The following PRKCA variants were observed in gnomAD, a reference collection of about 807,000 sequenced individuals.
The protein encoded by PRKCA is protein kinase C alpha type.
A neutral mutation model predicts 87.0 loss-of-function variants in PRKCA; 27 were observed. The observed-to-expected ratio is 0.31, with a 90% CI of 0.23 to 0.43. PRKCA has a LOEUF of 0.43. PRKCA is among the 20% of genes least tolerant of loss of function. The pLI is 1.00. For synonymous variants in PRKCA, 329 were observed against 311.1 expected, an observed-to-expected ratio of 1.06 and a Z score of -0.61; for missense variants, 518 against 852.3, an observed-to-expected ratio of 0.61 and a Z score of 4.88.
rs558937482 is a variant in PRKCA at position 66,358,015 on chromosome 17, A to G, written c.205+51888A>G. Among the ~76,000 whole-genome samples, 12 of 152,344 alleles carry G rather than the reference A, an allele frequency of 7.9e-5. No homozygotes were observed. In the Middle Eastern group the frequency reaches 0.01, roughly 130 times the overall value. ...TTATATTAATTAGAATTATATGATGATTATAATAGAATTGCCTTTTGTTCT... is the reference window on the plus strand; with the variant it reads ...TTATATTAATTAGAATTATATGATGGTTATAATAGAATTGCCTTTTGTTCT... On this transcript the variant is annotated intron_variant, in intron 2 of 16. Transcript: ENST00000413366.
intron 2 of PRKCA, among the ~76,000 whole-genome samples, chr17:66,368,773 C>G (rs1188634676): frequency 6.6e-6 from 1 of 152,082 alleles, no homozygotes; most frequent in African/African-American, 2.4e-5. Context: ...GATGTGGACA[C>G]AATTTCACAA....
intron 4 of PRKCA, among the ~76,000 whole-genome samples, chr17:66,642,848 G>A (rs1443011197): frequency 6.6e-6 from 1 of 152,080 alleles, no homozygotes; most frequent in East Asian, 1.9e-4. Flanking sequence ...TTCAAGACCA[G>A]CCTGACCAAC....
At chr17:66,764,664 C>G (rs1228921813) in intron 13 of PRKCA, among the ~76,000 whole-genome samples, 1 of 152,236 alleles carries the variant, frequency 6.6e-6, no homozygotes, top group Non-Finnish European at 1.5e-5. Flanking sequence ...GTCTTTGAAG[C>G]CACAGCTCAA....
At chr17:66,708,115 CATG>C (rs1377644265) in intron 8 of PRKCA, among the ~76,000 whole-genome samples, 1 of 152,178 alleles carries the variant, frequency 6.6e-6, no homozygotes, top group African/African-American at 2.4e-5. Context: ...ATGATGTACA[CATG>C]ATGGTGGCAC....
intron 8 of PRKCA, among the ~76,000 whole-genome samples, chr17:66,695,210 A>G (rs921077902): frequency 6.6e-6 from 1 of 152,208 alleles, no homozygotes; most frequent in African/African-American, 2.4e-5. Context: ...CAACCTCAAG[A>G]GAAATCAAGC....
At chr17:66,551,150 T>A (rs1968313768) in intron 3 of PRKCA, among the ~76,000 whole-genome samples, 1 of 152,150 alleles carries the variant, frequency 6.6e-6, no homozygotes, top group African/African-American at 2.4e-5. Context: ...GTAGCCTTGA[T>A]CTCCTGGCCT....
rs141664498 is a variant in PRKCA, at chr17:66,458,678, A to G, written c.206-37523A>G. On this transcript the variant is annotated intron_variant, in intron 2 of 16. Coordinates refer to ENST00000413366, the MANE Select transcript of PRKCA (RefSeq NM_002737.3). ...GTATTTTTAGTAGAGGTGGGGTTTC[A>G]CCATGTTGGCCAGGTTGGTCTCAAA... Among the ~76,000 whole-genome samples, 660 of 151,982 alleles carry G rather than the reference A, an allele frequency of 4.3e-3. 9 individuals are homozygous for G. The highest frequency in any genetic ancestry group is 0.015 in the African/African-American group (637 of 41,476).
intron 2 of PRKCA, among the ~76,000 whole-genome samples, chr17:66,418,253 A>G (rs982401283): frequency 1.3e-5 from 2 of 152,206 alleles, no homozygotes; most frequent in African/African-American, 4.8e-5. Flanking sequence ...TGTGTATAGT[A>G]AATGTATATA....
intron 3 of PRKCA, among the ~76,000 whole-genome samples, chr17:66,568,335 T>A (rs1263739469): frequency 6.6e-6 from 1 of 152,160 alleles, no homozygotes; most frequent in African/African-American, 2.4e-5. Context: ...AAAAAATAGA[T>A]GTGCAGAGTC....
At chr17:66,438,814 T>C (rs1913554743) in intron 2 of PRKCA, among the ~76,000 whole-genome samples, 1 of 152,122 alleles carries the variant, frequency 6.6e-6, no homozygotes, top group Admixed American at 6.5e-5. Flanking sequence ...CCATCAGCTC[T>C]TGTGAGAAAC....
intron 3 of PRKCA, among the ~76,000 whole-genome samples, chr17:66,578,743 C>T (rs898428489): frequency 1.3e-5 from 2 of 152,200 alleles, no homozygotes; most frequent in Admixed American, 1.3e-4. Flanking sequence ...CCTGTGGTTC[C>T]TGTCCTCTTC....
At chr17:66,422,636 A>C (rs1429301485) in intron 2 of PRKCA, among the ~76,000 whole-genome samples, 1 of 152,136 alleles carries the variant, frequency 6.6e-6, no homozygotes, top group Non-Finnish European at 1.5e-5. Flanking sequence ...AACAGGACCA[A>C]CTTCTTTTAG....
chr17:66,651,889 A>G (rs1567955969), intron 5 of PRKCA, among the ~76,000 whole-genome samples: 1 of 152,206 alleles, frequency 6.6e-6, no homozygotes, highest in Non-Finnish European at 1.5e-5. Context: ...AGGAATCTGG[A>G]TGTCATACTT....
chr17:66,693,809 A>C (rs1365894987), intron 8 of PRKCA, among the ~76,000 whole-genome samples: 1 of 152,218 alleles, frequency 6.6e-6, no homozygotes, highest in Non-Finnish European at 1.5e-5. Context: ...ACAAATACAT[A>C]AACAAATGAG....
chr17:66,574,010 G>C (rs1178156423), intron 3 of PRKCA, among the ~76,000 whole-genome samples: 1 of 152,018 alleles, frequency 6.6e-6, no homozygotes, highest in Admixed American at 6.6e-5. Flanking sequence ...GGGTATTAAA[G>C]ACAACAATGT....
At chr17:66,385,386 C>T (rs77410425) in intron 2 of PRKCA, among the ~76,000 whole-genome samples, 1,922 of 152,206 alleles carry the variant, frequency 0.013, 47 homozygotes, top group African/African-American at 0.044. Flanking sequence ...AATCAGTAGC[C>T]TGGTATTAGT....
intron 3 of PRKCA, among the ~76,000 whole-genome samples, chr17:66,611,362 C>T (rs370369319): frequency 3.7e-4 from 56 of 152,274 alleles, no homozygotes; most frequent in East Asian, 1.4e-3. Context: ...CCCATTATCC[C>T]GACCCTTGGC....
chr17:66,736,789 C>T (rs961568181), intron 10 of PRKCA, among the ~76,000 whole-genome samples: 3 of 152,154 alleles, frequency 2.0e-5, no homozygotes, highest in Admixed American at 6.5e-5. Flanking sequence ...AAAATTAGGT[C>T]AAATTTTAAA....
intron 3 of PRKCA, among the ~76,000 whole-genome samples, chr17:66,635,191 C>A (rs1047002585): frequency 2.6e-5 from 4 of 152,188 alleles, no homozygotes; most frequent in African/African-American, 9.7e-5. Flanking sequence ...AGAGAAAGAT[C>A]AGATGTCCAG....
Sources: allele counts gnomAD v4.1 joint callset (sites outside exome capture counted in the v4.1 genomes callset), GRCh38; gene constraint gnomAD v4.1.1; transcripts MANE v1.5; gene names NCBI Gene and HGNC (gene_info 2026-07-23, HGNC 2026-07-21).